Variants in FHIP2A observed in about 807,000 individuals in gnomAD.
FHIP2A encodes the protein FHF complex subunit HOOK interacting protein 2A, also known as family with sequence similarity 160 member B1.
In FHIP2A, 46 loss-of-function variants were observed where a neutral mutation model predicts 93.5. The observed-to-expected ratio is 0.49, with a 90% CI of 0.39 to 0.63. The LOEUF (loss-of-function observed/expected upper bound fraction) is 0.63, where lower values mean the gene tolerates loss of function less well. FHIP2A is among the 20% of genes least tolerant of loss of function. The probability of loss-of-function intolerance (pLI) is 0.00; values close to 1 mark genes in which losing one functional copy is unlikely to be tolerated. For synonymous variants in FHIP2A, 332 were observed against 326.5 expected, an observed-to-expected ratio of 1.02 and a Z score of -0.18; for missense variants, 769 against 909.7, an observed-to-expected ratio of 0.85 and a Z score of 1.99.
At position 114,843,461 on chromosome 10, in the gene FHIP2A, C is replaced by T. The variant is rs982688370; in HGVS notation, c.816+235C>T. ...CTGGGATTACAGGTGCACGCCACCACGCCAGCTAATTTTTGTATTTTTAGT... is the reference window on the plus strand; with the variant it reads ...CTGGGATTACAGGTGCACGCCACCATGCCAGCTAATTTTTGTATTTTTAGT... On this transcript the variant is annotated intron_variant, in intron 6 of 16. Transcript: ENST00000369248. Among the ~76,000 whole-genome samples the T allele has an allele frequency of 4.6e-5, 7 of 151,790 alleles. No individual in the cohort carries two copies. In the South Asian group the frequency reaches 6.2e-4, roughly 14 times the overall value.
At chr10:114,869,551 C>T (rs958053854), downstream of FHIP2A, among the ~76,000 whole-genome samples, 11 of 152,280 alleles carry the variant, frequency 7.2e-5, no homozygotes, top group African/African-American at 2.6e-4. Context: ...AAGAAAACAC[C>T]TACTTTTAAA....
rs868215713 is a variant in FHIP2A at position 114,891,537 on chromosome 10, A to G, written c.2193-7953A>G. On this transcript the variant is annotated intron_variant, in intron 16 of 16. Coordinates refer to the FHIP2A transcript ENST00000369250. ...GCCACAAGGGTGAATATATATATAT[A>G]TGTGTGTGTGTGTGTGTGTGTGTGT... Among the ~76,000 whole-genome samples the G allele has an allele frequency of 9.2e-3, 1,257 of 137,184 alleles. 4 individuals carry two copies. Among genetic ancestry groups the G allele is most frequent in the Middle Eastern group, 0.022 (6 of 274 alleles). The allele number at this position is 137,184 out of a possible 152,430, so 90.0% of individuals were successfully genotyped here.
At chr10:114,834,348 TTAA>T (rs1338311155) in intron 3 of FHIP2A, among the ~76,000 whole-genome samples, 1 of 152,226 alleles carries the variant, frequency 6.6e-6, no homozygotes, top group Non-Finnish European at 1.5e-5. Flanking sequence ...AGAAGGATTG[TTAA>T]TAATAAATTG....
intron 16 of FHIP2A, among the ~76,000 whole-genome samples, chr10:114,898,891 A>G (rs780211510): frequency 7.2e-5 from 11 of 152,212 alleles, no homozygotes; most frequent in Non-Finnish European, 1.6e-4. Context: ...ACTTTATAGC[A>G]TGAATCACTG....
intron 5 of FHIP2A, among the ~76,000 whole-genome samples, chr10:114,839,869 G>A (rs1326536443): frequency 8.4e-5 from 11 of 131,360 alleles, no homozygotes; most frequent in African/African-American, 2.7e-4. Context: ...GCGACAGAGC[G>A]AGACTCTGTC....
chr10:114,849,045 G>A (rs1001591483), intron 13 of FHIP2A, among the ~76,000 whole-genome samples: 1 of 149,972 alleles, frequency 6.7e-6, no homozygotes, highest in African/African-American at 2.5e-5. Context: ...AGGAGGCTGA[G>A]GCAGGAGAAT....
At chr10:114,833,918 C>T (rs1045601920) in intron 3 of FHIP2A, among the ~76,000 whole-genome samples, 6 of 152,102 alleles carry the variant, frequency 3.9e-5, no homozygotes, top group Admixed American at 1.3e-4. Flanking sequence ...GTTTTCCAGC[C>T]GTGTGGCCGA....
chr10:114,893,687 G>GTGTGTGTGTGTGTCCGTCCC (rs2083986791), intron 16 of FHIP2A, among the ~76,000 whole-genome samples: 2 of 151,268 alleles, frequency 1.3e-5, no homozygotes, highest in Admixed American at 1.3e-4. Context: ...GTGGTATTCT[G>GTGTGTGTGTGTGTCCGTCCC]TGTGTGTGTG....
intron 16 of FHIP2A, among the ~76,000 whole-genome samples, chr10:114,893,953 C>A (rs1269322489): frequency 6.6e-6 from 1 of 151,904 alleles, no homozygotes; most frequent in African/African-American, 2.4e-5. Flanking sequence ...AAAAATATAT[C>A]TGGGTTGTGA....
intron 13 of FHIP2A, 145 bp from the exon 14 acceptor site, chr10:114,855,052 C>G: frequency 1.4e-6 from 1 of 722,186 alleles, no homozygotes. Context: ...TCTGAGTCAT[C>G]TCTTCCCCCT....
chr10:114,879,115 A>T (rs1325595491), intron 16 of FHIP2A, among the ~76,000 whole-genome samples: 2 of 152,218 alleles, frequency 1.3e-5, no homozygotes, highest in African/African-American at 2.4e-5. Context: ...AGATAAGAAA[A>T]CTGAGGCTGA....
chr10:114,847,384 G>C (rs910659419), intron 12 of FHIP2A, 151 bp downstream of exon 12: 10 of 599,056 alleles, frequency 1.7e-5, no homozygotes, highest in Non-Finnish European at 2.7e-5. Context: ...CGCCTCCTGG[G>C]TTTAAGCGAT....
At chr10:114,850,537 A>T (rs1473521530) in intron 13 of FHIP2A, among the ~76,000 whole-genome samples, 1 of 124,186 alleles carries the variant, frequency 8.1e-6, no homozygotes, top group Non-Finnish European at 1.9e-5. Context: ...TTTTACAAAA[A>T]TTTTTTAAAA....
In FHIP2A at chr10:114,861,527, C is replaced by G; in HGVS notation, c.2285C>G (p.Ser762Cys). The stretch of plus-strand genomic sequence containing the variant: ...ATCGCATTTGTAAAATATCATGCTT[C>G]CTCCACACCATAAATAACATCTTTC... The part of the protein sequence containing the change: ...AAIAFVKYHA[S>C]STP Residue 762 changes from serine to cysteine, a missense_variant, in exon 17 of 17, where the codon TCC becomes TGC. Transcript: ENST00000369248. The G allele has an allele frequency of 6.2e-7, 1 of 1,613,460 alleles. No homozygotes were observed. Among genetic ancestry groups the G allele is most frequent in the Non-Finnish European group, 8.5e-7 (1 of 1,179,946 alleles).
rs2083802235 is a variant in FHIP2A, at chr10:114,861,910, A to G, written c.*370A>G. ...CTTTTAGGTAGCAAGGCATTTTGAC[A>G]TTCTCTGGGACTCAAATGCTTGTAT... On this transcript the variant is annotated 3_prime_UTR_variant, in exon 17 of 17. Coordinates refer to ENST00000369248, the MANE Select transcript of FHIP2A (RefSeq NM_020940.4). The G allele has an allele frequency of 2.0e-6, 2 of 988,800 alleles. No individual in the cohort carries two copies. The highest frequency in any genetic ancestry group is 1.7e-5 in the African/African-American group (1 of 57,322). The allele number at this position is 988,800 out of a possible 1,614,324, so 61.3% of individuals were successfully genotyped here. A position where few individuals can be genotyped will look rare whatever the true frequency, so the allele number is the denominator to read the frequency against.
Position 114,843,746 on chromosome 10 carries a change from C to T in FHIP2A, c.822C>T (p.Gly274=), listed in dbSNP as rs746005052. The change falls in exon 7 of 17, where the codon GGC becomes GGT. Residue 274 remains glycine, a synonymous_variant. Coordinates refer to ENST00000369248, the MANE Select transcript of FHIP2A (RefSeq NM_020940.4). ...SLLNLTRSPD[G]RIAVKACEGL... Reference sequence around the variant, plus strand: ...GGGATTTTTTTTTCCTTTAGGATGGCAGAATAGCTGTGAAGGCATGTGAAG... The same window carrying T: ...GGGATTTTTTTTTCCTTTAGGATGGTAGAATAGCTGTGAAGGCATGTGAAG... The T allele has an allele frequency of 6.6e-7, 1 of 1,525,350 alleles. No individual in the cohort carries two copies. Among genetic ancestry groups the T allele is most frequent in the Non-Finnish European group, 8.8e-7 (1 of 1,141,696 alleles). The allele number at this position is 1,525,350 out of a possible 1,614,324, so 94.5% of individuals were successfully genotyped here. A position where few individuals can be genotyped will look rare whatever the true frequency, so the allele number is the denominator to read the frequency against.
At chr10:114,860,924 G>A (rs1566377972) in intron 15 of FHIP2A, 35 bp downstream of exon 15, 2 of 1,583,402 alleles carry the variant, frequency 1.3e-6, no homozygotes. Flanking sequence ...CCCTAGGATT[G>A]ATAAATCTGT....
intron 1 of FHIP2A, among the ~76,000 whole-genome samples, chr10:114,823,159 A>AT (rs2083548708): frequency 6.6e-6 from 1 of 152,178 alleles, no homozygotes; most frequent in Non-Finnish European, 1.5e-5. Flanking sequence ...TACAACAATG[A>AT]TTTTTTATGG....
intron 16 of FHIP2A, among the ~76,000 whole-genome samples, chr10:114,882,129 A>C (rs2083920207): frequency 1.3e-5 from 2 of 152,204 alleles, no homozygotes; most frequent in Non-Finnish European, 1.5e-5. Flanking sequence ...TCACGGACAG[A>C]AGAGAAGTTC....
Sources: allele counts gnomAD v4.1 joint callset (sites outside exome capture counted in the v4.1 genomes callset), GRCh38; gene constraint gnomAD v4.1.1; transcripts MANE v1.5; gene names NCBI Gene and HGNC (gene_info 2026-07-23, HGNC 2026-07-21).